Variants in EFHD2 observed in about 807,000 individuals in gnomAD.
EFHD2 encodes the protein EF-hand domain family member D2, also known as EF-hand domain-containing protein D2.
Under a neutral mutation model 20.3 loss-of-function variants are expected in EFHD2, and 12 were observed. That is an observed-to-expected ratio of 0.59 (90% CI 0.38 to 0.96). EFHD2 has a LOEUF of 0.96. Among genes scored for constraint, EFHD2 ranks in the 40% least tolerant of loss-of-function variants. The pLI is 0.00. For synonymous variants in EFHD2, 131 were observed against 143.9 expected (o/e 0.91, Z 0.64); for missense variants, 250 against 334.3 (o/e 0.75, Z 1.97).
chr1:15,418,469 C>T (rs1047089196), intron 1 of EFHD2, among the ~76,000 whole-genome samples: 1 of 151,216 alleles, frequency 6.6e-6, no homozygotes, highest in Non-Finnish European at 1.5e-5. Context: ...TCACGCCCGG[C>T]TAATTTTTTG....
At position 15,426,033 on chromosome 1, in the gene EFHD2, C is replaced by G; in HGVS notation, c.456+15C>G. 1 of 1,558,536 alleles carries G rather than the reference C, an allele frequency of 6.4e-7. No homozygotes were observed. The highest frequency in any genetic ancestry group is 8.7e-7 in the Non-Finnish European group (1 of 1,155,744). On this transcript the variant is annotated intron_variant, in intron 2 of 3. Transcript: ENST00000375980. The surrounding 1 kb of genome is among the most constrained non-coding windows in gnomAD (Gnocchi z 4.6). ...GCTTCCGGGAGGTAAGCCCGGCCCC[C>G]AGCCCCACTCCCCTACCAGGGGCTT...
chr1:15,414,906 TC>T (rs1291797722), intron 1 of EFHD2, among the ~76,000 whole-genome samples: 9 of 152,142 alleles, frequency 5.9e-5, no homozygotes, highest in African/African-American at 1.9e-4. Flanking sequence ...CAATGGGGAT[TC>T]CCGTCTGCCA....
chr1:15,420,605 C>T (rs1470774210), intron 1 of EFHD2, among the ~76,000 whole-genome samples: 4 of 152,146 alleles, frequency 2.6e-5, no homozygotes, highest in Admixed American at 1.3e-4. Context: ...CTGCAACCTC[C>T]ATCTCCTGGG....
In EFHD2 at chr1:15,410,102, C is replaced by G; in HGVS notation, c.131C>G (p.Ala44Gly). The G allele has an allele frequency of 6.8e-7, 1 of 1,471,210 alleles. No individual in the cohort carries two copies. The highest frequency in any genetic ancestry group is 9.0e-7 in the Non-Finnish European group (1 of 1,116,518). 91.1% of individuals were successfully genotyped at this position (1,471,210 alleles called of 1,614,324 possible). ...GCGGCGGCGGGGGCACCCGACGAGG[C>G]GGCCGAGGCGCTGGGCAGCGCGGAC... The part of the protein sequence containing the change: ...AAAAAGAPDE[A>G]AEALGSADCE... Residue 44 changes from alanine to glycine, a missense_variant, in exon 1 of 4, where the codon GCG becomes GGG. Physicochemically the swap from Ala to Gly is moderately conservative, Grantham distance 60. Transcript: ENST00000375980.
rs563819548 is a variant in EFHD2, at chr1:15,420,884, A to G, written c.309-4987A>G. Reference sequence around the variant, plus strand: ...AGCTGGTCTGAAACTCCTGGGCTCAAGTGATCCTCAGCCTCCCAAAGTGCT... The same window carrying G: ...AGCTGGTCTGAAACTCCTGGGCTCAGGTGATCCTCAGCCTCCCAAAGTGCT... On this transcript the variant is annotated intron_variant, in intron 1 of 3. Transcript: ENST00000375980. Among the ~76,000 whole-genome samples the G allele has an allele frequency of 2.0e-5, 3 of 152,198 alleles. No homozygotes were observed. In the East Asian group the frequency reaches 5.8e-4, roughly 29 times the overall value.
intron 1 of EFHD2, among the ~76,000 whole-genome samples, chr1:15,425,648 A>C (rs968332213): frequency 6.6e-6 from 1 of 152,072 alleles, no homozygotes; most frequent in South Asian, 2.1e-4. Context: ...TTCGACATGC[A>C]GGAGGCTGCC....
chr1:15,410,388 A>G, intron 1 of EFHD2, 109 bp downstream of exon 1: 1 of 1,350,468 alleles, frequency 7.4e-7, no homozygotes, highest in Non-Finnish European at 9.9e-7. Context: ...CCGTCAGCCA[A>G]GCTTCCCCGA....
At chr1:15,428,218 C>T (rs1032297551) in intron 3 of EFHD2, among the ~76,000 whole-genome samples, 14 of 152,146 alleles carry the variant, frequency 9.2e-5, no homozygotes, top group African/African-American at 2.9e-4. Flanking sequence ...TAAGGCCGGG[C>T]GCAGTGGCTC....
At chr1:15,428,241 C>A (rs1299984236) in intron 3 of EFHD2, among the ~76,000 whole-genome samples, 1 of 152,084 alleles carries the variant, frequency 6.6e-6, no homozygotes, top group Non-Finnish European at 1.5e-5. Flanking sequence ...ACCTGTCATC[C>A]CAGCACTTTG....
chr1:15,427,825 A>T (rs1240056751), intron 3 of EFHD2: 1 of 452,444 alleles, frequency 2.2e-6, no homozygotes, highest in African/African-American at 2.0e-5. Flanking sequence ...TGCTAAGAAC[A>T]TTCCTTCCAG....
In EFHD2 at chr1:15,428,983, T is replaced by C. The variant is rs1310565467; in HGVS notation, c.*259T>C. On this transcript the variant is annotated 3_prime_UTR_variant, in exon 4 of 4. Coordinates refer to ENST00000375980, the MANE Select transcript of EFHD2 (RefSeq NM_024329.6). ...CCTCCCTGGCAATCCCTGGGCTCTCTTGCACCCCTAACTGCCCCCTGCCTG... is the reference window on the plus strand; with the variant it reads ...CCTCCCTGGCAATCCCTGGGCTCTCCTGCACCCCTAACTGCCCCCTGCCTG... The C allele has an allele frequency of 1.1e-5, 5 of 474,786 alleles. No homozygotes were observed. The highest frequency in any genetic ancestry group is 1.9e-5 in the Non-Finnish European group (5 of 262,050). The allele number at this position is 474,786 out of a possible 1,614,324, so 29.4% of individuals were successfully genotyped here. A position where few individuals can be genotyped will look rare whatever the true frequency, so the allele number is the denominator to read the frequency against.
intron 3 of EFHD2, 36 bp from the exon 4 acceptor site, chr1:15,428,557 T>C: frequency 1.2e-6 from 2 of 1,603,950 alleles, no homozygotes. Context: ...ACATACACCA[T>C]CCAGCCCTGA....
chr1:15,422,373 G>C (rs1468030640), intron 1 of EFHD2, among the ~76,000 whole-genome samples: 1 of 151,872 alleles, frequency 6.6e-6, no homozygotes, highest in Non-Finnish European at 1.5e-5. Flanking sequence ...TTATAGGCGT[G>C]AGCCACCGTG....
At chr1:15,421,555 C>T (rs191779824) in intron 1 of EFHD2, among the ~76,000 whole-genome samples, 91 of 152,302 alleles carry the variant, frequency 6.0e-4, no homozygotes, top group Middle Eastern at 3.4e-3. Context: ...TAGAGGCGGC[C>T]GTTCAAATCA....
At chr1:15,418,883 C>T (rs1363524009) in intron 1 of EFHD2, among the ~76,000 whole-genome samples, 1 of 152,250 alleles carries the variant, frequency 6.6e-6, no homozygotes, top group Non-Finnish European at 1.5e-5. Flanking sequence ...ATGACCTGGG[C>T]TAAGTCGCTT....
chr1:15,425,846 A>T, intron 1 of EFHD2, 25 bp from the exon 2 acceptor site: 1 of 1,602,508 alleles, frequency 6.2e-7, no homozygotes, highest in Non-Finnish European at 8.5e-7. Context: ...CAGTGCCAAG[A>T]TGTCCTCTCT....
Position 15,427,166 on chromosome 1 carries a change from G to A in EFHD2, c.473G>A (p.Arg158His), listed in dbSNP as rs145159120. The change falls in exon 3 of 4, where the codon CGC becomes CAC. Residue 158 changes from arginine to histidine, a missense_variant. Arg to His is a conservative substitution (Grantham distance 29). Around this residue, in one of 3 missense-constraint regions of EFHD2, gnomAD observed 100 missense variants for 116.2 expected, o/e 0.86. Transcript: ENST00000375980. ...CCGCTGCAGTTCCTCCTGATCTTCC[G>A]CAAGGCGGCGGCCGGGGAGCTTCAG... is the stretch of plus-strand genomic sequence containing the variant. ...LSFREFLLIF[R>H]KAAAGELQED... 2.0e-3 allele frequency: 3,156 copies of A among 1,611,852 alleles called. 3 individuals carry two copies. The highest frequency in any genetic ancestry group is 2.3e-3 in the Non-Finnish European group (2,669 of 1,179,152).
chr1:15,429,172 TG>T lies in EFHD2; in HGVS notation c.*451del. The T allele has an allele frequency of 5.2e-6, 1 of 191,586 alleles. No individual in the cohort carries two copies. Among genetic ancestry groups the T allele is most frequent in the Non-Finnish European group, 1.1e-5 (1 of 91,712 alleles). 11.9% of individuals were successfully genotyped at this position (191,586 alleles called of 1,614,324 possible). ...GCCCCCTGCCAGCCCCTTCCCAGGC[TG>T]GGAGACGGCAGAAGAGATAGAATCA... On this transcript the variant is annotated 3_prime_UTR_variant, in exon 4 of 4. Transcript: ENST00000375980.
At position 15,410,229 on chromosome 1, in the gene EFHD2, CA is replaced by C; in HGVS notation, c.260del (p.Lys87ArgfsTer28). 6.2e-7 allele frequency: 1 copy of C among 1,606,848 alleles called. No homozygotes were observed. The highest frequency in any genetic ancestry group is 8.5e-7 in the Non-Finnish European group (1 of 1,177,346). ...RRVFNPYTEF[K>X]EFSRKQIKDM... ...GCGTCTTCAACCCCTACACCGAGTT[CA>C]AGGAGTTCTCCAGGAAGCAGATCAA... On this transcript the variant is annotated frameshift_variant, in exon 1 of 4. Coordinates refer to ENST00000375980, the MANE Select transcript of EFHD2 (RefSeq NM_024329.6). LOFTEE classifies it high-confidence loss of function.
Sources: gnomAD v4.1 joint callset for allele counts (sites outside exome capture counted in the v4.1 genomes callset) on GRCh38, gnomAD v4.1.1 for gene constraint, gnomAD v4.1.1 regional missense constraint, Gnocchi (gnomAD v3.1) non-coding constraint, MANE v1.5 for transcripts, NCBI Gene and HGNC (gene_info 2026-07-23, HGNC 2026-07-21) for gene names.